Variants in TPM3 observed in about 807,000 individuals in gnomAD.
TPM3 encodes the protein tropomyosin 3.
In TPM3, 16 loss-of-function variants were observed where a neutral mutation model predicts 43.1. The ratio of observed to expected loss-of-function variants is 0.37; its 90% CI spans 0.25 to 0.56. The LOEUF (loss-of-function observed/expected upper bound fraction) is 0.56. Among genes scored for constraint, TPM3 ranks in the 20% least tolerant of loss-of-function variants. The pLI is 0.77. For synonymous variants in TPM3, 101 were observed against 116.9 expected, an observed-to-expected ratio of 0.86 and a Z score of 0.88; for missense variants, 176 against 337.2, an observed-to-expected ratio of 0.52 and a Z score of 3.74.
In TPM3 at chr1:154,167,440, G is replaced by C; in HGVS notation, c.*497C>G. ...ACACCAAAGGAGGAATACCTGAAGA[G>C]AGAATGGAAACACTGCAGGCAGGAT... On this transcript the variant is annotated 3_prime_UTR_variant, in exon 10 of 10. Transcript: ENST00000651641. 9.3e-7 allele frequency: 1 copy of C among 1,072,744 alleles called. No individual in the cohort carries two copies. The highest frequency in any genetic ancestry group is 1.1e-6 in the Non-Finnish European group (1 of 882,784). The allele number at this position is 1,072,744 out of a possible 1,614,324, so 66.5% of individuals were successfully genotyped here. A position where few individuals can be genotyped will look rare whatever the true frequency, so the allele number is the denominator to read the frequency against.
chr1:154,179,938 A>G (rs1424551673), intron 2 of TPM3, among the ~76,000 whole-genome samples: 1 of 152,186 alleles, frequency 6.6e-6, no homozygotes, highest in African/African-American at 2.4e-5. Context: ...AGAGTTATTA[A>G]AAACAGATAA....
At chr1:154,183,296 C>T (rs888030540) in intron 2 of TPM3, 14 of 1,498,070 alleles carry the variant, frequency 9.3e-6, no homozygotes, top group African/African-American at 2.8e-5. Context: ...GGAAGGCAGT[C>T]CACTGGAGGG....
intron 3 of TPM3, among the ~76,000 whole-genome samples, chr1:154,174,839 C>T (rs1254775506): frequency 6.6e-6 from 1 of 151,778 alleles, no homozygotes; most frequent in Non-Finnish European, 1.5e-5. Context: ...ATACACATAG[C>T]TGCCTCTTTC....
chr1:154,183,189 C>T, intron 2 of TPM3: 1 of 1,592,076 alleles, frequency 6.3e-7, no homozygotes, highest in Admixed American at 1.7e-5. Flanking sequence ...CCTCCTCTCA[C>T]CCTTACTTCC....
rs771579566 is a variant in TPM3 at position 154,169,358 on chromosome 1, C to T, written c.801G>A (p.Lys267=). The T allele has an allele frequency of 1.9e-6, 3 of 1,614,178 alleles. No individual in the cohort carries two copies. The highest frequency in any genetic ancestry group is 2.5e-6 in the Non-Finnish European group (3 of 1,180,032). The change falls in exon 9 of 10, where the codon AAG becomes AAA. Residue 267 remains lysine (K), a synonymous_variant. Transcript: ENST00000651641. ...LEDELYAQKL[K]YKAISEELDH... ...CCAGCTCCTCGCTAATGGCCTTGTA[C>T]TTCAGTTTCTGGGCATAGAGCTCAT...
intron 2 of TPM3, chr1:154,183,281 A>C: frequency 1.3e-6 from 2 of 1,509,748 alleles, no homozygotes; most frequent in Non-Finnish European, 8.8e-7. Context: ...ACCGCCAGGC[A>C]GGCGGGAAGG....
intron 3 of TPM3, 42 bp downstream of exon 3, chr1:154,176,073 T>A: frequency 6.2e-7 from 1 of 1,611,812 alleles, no homozygotes; most frequent in Middle Eastern, 2.2e-4. Context: ...AGAACTATTA[T>A]GAACTTTTAA....
In TPM3 at chr1:154,169,298, T is replaced by C; in HGVS notation, c.854+7A>G. The C allele has an allele frequency of 6.2e-7, 1 of 1,614,116 alleles. No homozygotes were observed. The highest frequency in any genetic ancestry group is 8.5e-7 in the Non-Finnish European group (1 of 1,179,986). On this transcript the variant is annotated splice_region_variant and intron_variant, in intron 9 of 9. Transcript: ENST00000651641. ...ATCCCAGCCCCACTCTACTGTCAGA[T>C]AGTTACATAGAGGTCATGTCATTGA...
At chr1:154,168,581 G>T (rs2148224062) in intron 9 of TPM3, among the ~76,000 whole-genome samples, 1 of 152,214 alleles carries the variant, frequency 6.6e-6, no homozygotes, top group East Asian at 1.9e-4. Context: ...GAGTGCAGTG[G>T]CATTATCTCG....
At position 154,163,819 on chromosome 1, in the gene TPM3, G is replaced by A. The variant is rs1248582892; in HGVS notation, c.*4118C>T. On this transcript the variant is annotated 3_prime_UTR_variant, in exon 10 of 10. Coordinates refer to ENST00000651641, the MANE Select transcript of TPM3 (RefSeq NM_152263.4). ...CAGCTAATTTTTTGTATTTTTAGTA[G>A]AGACGGGGTTTCAACGTGTCAGCCA... is the stretch of plus-strand genomic sequence containing the variant. 1.3e-5 allele frequency among the ~76,000 whole-genome samples: 2 copies of A among 152,080 alleles called. No homozygotes were observed. Among genetic ancestry groups the A allele is most frequent in the Non-Finnish European group, 2.9e-5 (2 of 68,020 alleles).
At chr1:154,169,725 T>G in intron 8 of TPM3, 1 of 407,310 alleles carries the variant, frequency 2.5e-6, no homozygotes, top group Non-Finnish European at 4.6e-6. Flanking sequence ...TGAACAAAAA[T>G]AGCAAAGGGA....
At chr1:154,181,002 G>A (rs1662883043) in intron 2 of TPM3, among the ~76,000 whole-genome samples, 1 of 151,952 alleles carries the variant, frequency 6.6e-6, no homozygotes, top group East Asian at 1.9e-4. Flanking sequence ...TTTAAATACT[G>A]AGCCTAAGAT....
chr1:154,180,136 TA>T (rs1206569544), intron 2 of TPM3, among the ~76,000 whole-genome samples: 1 of 152,278 alleles, frequency 6.6e-6, no homozygotes, highest in East Asian at 1.9e-4. Flanking sequence ...TGCTACATTA[TA>T]AAAGACCAAT....
chr1:154,178,862 C>T (rs1662638398), intron 2 of TPM3, among the ~76,000 whole-genome samples: 1 of 152,174 alleles, frequency 6.6e-6, no homozygotes, highest in Non-Finnish European at 1.5e-5. Flanking sequence ...AGCAAAGATC[C>T]TGGGTGAGGG....
intron 3 of TPM3, among the ~76,000 whole-genome samples, chr1:154,174,401 T>TATATATATATAC (rs1553249373): frequency 1.9e-5 from 2 of 104,976 alleles, no homozygotes; most frequent in Non-Finnish European, 3.7e-5. Context: ...TATATATATA[T>TATATATATATAC]ATATATACAC....
intron 2 of TPM3, chr1:154,183,357 C>G (rs948239434): frequency 7.2e-7 from 1 of 1,387,054 alleles, no homozygotes; most frequent in African/African-American, 1.4e-5. Flanking sequence ...GTACGGCTCC[C>G]GGCCTTACCT....
chr1:154,170,642 A>G lies in TPM3; in HGVS notation c.705+7T>C. 6.2e-7 allele frequency: 1 copy of G among 1,612,796 alleles called. No individual in the cohort carries two copies. ...TGGGTTCTGCCCTATAAATCCCCTC[A>G]GCTCACCTCCTTGAGTTTATCAGTA... On this transcript the variant is annotated splice_region_variant and intron_variant, in intron 7 of 9. Transcript: ENST00000651641.
downstream of TPM3, chr1:154,157,807 AG>A: frequency 1.3e-6 from 1 of 774,004 alleles, no homozygotes; most frequent in Non-Finnish European, 2.4e-6. Flanking sequence ...CCTGTTGCAG[AG>A]AAGCTGCAGA....
In TPM3 at chr1:154,165,292, G is replaced by A. The variant is rs916462246; in HGVS notation, c.*2645C>T. Among the ~76,000 whole-genome samples the A allele has an allele frequency of 2.0e-5, 3 of 152,076 alleles. No individual in the cohort carries two copies. Among genetic ancestry groups the A allele is most frequent in the Admixed American group, 1.3e-4 (2 of 15,260 alleles). ...AGCTCCTCGGGAAGCTGAGACAGGAGAATCGCTTGAACTCAAGAAGCAGAG... is the reference window on the plus strand; with the variant it reads ...AGCTCCTCGGGAAGCTGAGACAGGAAAATCGCTTGAACTCAAGAAGCAGAG... On this transcript the variant is annotated 3_prime_UTR_variant, in exon 10 of 10. Coordinates refer to ENST00000651641, the MANE Select transcript of TPM3 (RefSeq NM_152263.4).
Sources: gnomAD v4.1 joint callset for allele counts (sites outside exome capture counted in the v4.1 genomes callset) on GRCh38, gnomAD v4.1.1 for gene constraint, MANE v1.5 for transcripts, NCBI Gene and HGNC (gene_info 2026-07-23, HGNC 2026-07-21) for gene names.